The following NFIA variants were observed in gnomAD, a reference collection of about 807,000 sequenced individuals.
The protein encoded by NFIA is nuclear factor 1 A-type.
Under a neutral mutation model 62.8 loss-of-function variants are expected in NFIA, and 8 were observed. The observed-to-expected ratio is 0.13, with a 90% CI of 0.07 to 0.23. The LOEUF (loss-of-function observed/expected upper bound fraction) is 0.23, where lower values mean the gene tolerates loss of function less well. Ranked by LOEUF, NFIA falls within the 10% of genes least tolerant of loss-of-function variation. NFIA has a pLI of 1.00. For synonymous variants in NFIA, 235 were observed against 238.1 expected (o/e 0.99, Z 0.12); for missense variants, 410 against 642.1 (o/e 0.64, Z 3.91).
chr1:61,416,327 C>T (rs1378764153), intron 9 of NFIA, among the ~76,000 whole-genome samples: 2 of 152,166 alleles, frequency 1.3e-5, no homozygotes, highest in Non-Finnish European at 2.9e-5. Flanking sequence ...ATCAAAACCA[C>T]ATACTCACAC....
At chr1:61,197,437 C>G (rs1652107863) in intron 2 of NFIA, among the ~76,000 whole-genome samples, 1 of 151,242 alleles carries the variant, frequency 6.6e-6, no homozygotes, top group Admixed American at 6.6e-5. Flanking sequence ...TGGGATTTCA[C>G]TGAGTTGGCC....
At chr1:61,402,406 C>A (rs1294994044) in intron 7 of NFIA, among the ~76,000 whole-genome samples, 1 of 152,100 alleles carries the variant, frequency 6.6e-6, no homozygotes, top group Non-Finnish European at 1.5e-5. Flanking sequence ...TTGGTTTTAG[C>A]AAATTTTATT....
chr1:61,140,709 C>A (rs1405830019), intron 2 of NFIA, among the ~76,000 whole-genome samples: 2 of 152,044 alleles, frequency 1.3e-5, no homozygotes, highest in Non-Finnish European at 2.9e-5. Flanking sequence ...GGCATTCTGG[C>A]ACAGTTGGGG....
chr1:61,191,450 C>A (rs1228892615), intron 2 of NFIA, among the ~76,000 whole-genome samples: 1 of 152,000 alleles, frequency 6.6e-6, no homozygotes, highest in Admixed American at 6.6e-5. Context: ...TTGTCTCTAG[C>A]CTGGTTTTTT....
intron 3 of NFIA, among the ~76,000 whole-genome samples, chr1:61,289,190 G>A (rs980806107): frequency 3.3e-5 from 5 of 152,128 alleles, no homozygotes; most frequent in Non-Finnish European, 7.4e-5. Context: ...CTCAGTTATT[G>A]GCTGGAAACA....
At chr1:61,345,797 C>G (rs1662198926) in intron 4 of NFIA, among the ~76,000 whole-genome samples, 1 of 152,154 alleles carries the variant, frequency 6.6e-6, no homozygotes, top group Non-Finnish European at 1.5e-5. Context: ...AAATTGTTTT[C>G]TATGAAACTG....
chr1:61,289,024 C>T (rs1245898248), intron 3 of NFIA, among the ~76,000 whole-genome samples: 3 of 152,210 alleles, frequency 2.0e-5, no homozygotes, highest in South Asian at 2.1e-4. Flanking sequence ...CCTGCCTCAA[C>T]CTCTCAAAGT....
intron 2 of NFIA, among the ~76,000 whole-genome samples, chr1:61,119,791 G>A (rs1179265322): frequency 2.0e-5 from 3 of 152,142 alleles, no homozygotes; most frequent in Non-Finnish European, 4.4e-5. Flanking sequence ...TAGATTTTCC[G>A]TGAAGAATTA....
chr1:61,294,688 C>A (rs550823301), intron 3 of NFIA, among the ~76,000 whole-genome samples: 1 of 152,320 alleles, frequency 6.6e-6, no homozygotes, highest in African/African-American at 2.4e-5. Context: ...TTCTCTTTAG[C>A]ACAGTGCCTA....
At chr1:61,112,870 A>C (rs1324905768) in intron 2 of NFIA, among the ~76,000 whole-genome samples, 1 of 152,192 alleles carries the variant, frequency 6.6e-6, no homozygotes, top group East Asian at 1.9e-4. Flanking sequence ...CATCGTGCAT[A>C]TATGGACATA....
At chr1:61,308,318 A>T (rs1328534066) in intron 3 of NFIA, among the ~76,000 whole-genome samples, 1 of 152,214 alleles carries the variant, frequency 6.6e-6, no homozygotes, top group Non-Finnish European at 1.5e-5. Flanking sequence ...ATTTTAGTGC[A>T]CAAGTCAAGG....
At chr1:61,418,527 A>G (rs1340313501) in intron 9 of NFIA, among the ~76,000 whole-genome samples, 1 of 152,090 alleles carries the variant, frequency 6.6e-6, no homozygotes, top group Non-Finnish European at 1.5e-5. Flanking sequence ...CATATTTCCC[A>G]GTCATTTTCT....
intron 4 of NFIA, among the ~76,000 whole-genome samples, chr1:61,347,126 T>C (rs900256665): frequency 7.9e-5 from 12 of 151,464 alleles, no homozygotes; most frequent in Non-Finnish European, 1.8e-4. Flanking sequence ...TCCACAGTGA[T>C]CTTATCACTT....
chr1:61,420,520 CATTT>C (rs1341515303), intron 9 of NFIA, among the ~76,000 whole-genome samples: 2 of 152,066 alleles, frequency 1.3e-5, no homozygotes, highest in East Asian at 1.9e-4. Flanking sequence ...CACTGATAAA[CATTT>C]AATAAAATTG....
chr1:61,320,807 C>G (rs1205281486), intron 3 of NFIA, among the ~76,000 whole-genome samples: 2 of 152,120 alleles, frequency 1.3e-5, no homozygotes, highest in Non-Finnish European at 2.9e-5. Context: ...TGCTGTTTAA[C>G]GTCCATGAAC....
At chr1:61,406,885 A>G (rs376327579) in intron 9 of NFIA, among the ~76,000 whole-genome samples, 158 bp downstream of exon 9, 27 of 152,330 alleles carry the variant, frequency 1.8e-4, no homozygotes, top group East Asian at 1.7e-3. Flanking sequence ...CAAAGTGAAC[A>G]TGACTCTTGG....
At chr1:61,143,377 T>A (rs528559271) in intron 2 of NFIA, among the ~76,000 whole-genome samples, 24 of 152,122 alleles carry the variant, frequency 1.6e-4, no homozygotes, top group Non-Finnish European at 3.2e-4. Context: ...GAACACTTCA[T>A]ATGTCATTCT....
intron 2 of NFIA, among the ~76,000 whole-genome samples, chr1:61,224,845 C>A (rs182917219): frequency 1.5e-3 from 223 of 152,278 alleles, no homozygotes; most frequent in Non-Finnish European, 2.7e-3. Flanking sequence ...TTAAGTGGTA[C>A]TACTTGCTGA....
intron 2 of NFIA, among the ~76,000 whole-genome samples, chr1:61,103,082 C>CCTGATA (rs1290148287): frequency 1.3e-5 from 2 of 152,038 alleles, no homozygotes; most frequent in African/African-American, 4.8e-5. Flanking sequence ...ACAAATGTAG[C>CCTGATA]CTGATAAAAG....
Sources: allele counts gnomAD v4.1 joint callset (sites outside exome capture counted in the v4.1 genomes callset), GRCh38; gene constraint gnomAD v4.1.1; transcripts MANE v1.5; gene names NCBI Gene and HGNC (gene_info 2026-07-23, HGNC 2026-07-21).